ARHGAP15: variants seen among roughly 807,000 people sequenced by gnomAD.
ARHGAP15 encodes the protein Rho GTPase activating protein 15, also known as rho GTPase-activating protein 15.
Under a neutral mutation model 63.7 loss-of-function variants are expected in ARHGAP15, and 51 were observed. That is an observed-to-expected ratio of 0.80 (90% confidence interval 0.64 to 1.01). The LOEUF is 1.01. Among genes scored for constraint, ARHGAP15 ranks in the 50% least tolerant of loss-of-function variants. ARHGAP15 has a pLI of 0.00. For synonymous variants in ARHGAP15, 191 were observed against 193.8 expected (o/e 0.99, Z 0.12); for missense variants, 560 against 564.6 (o/e 0.99, Z 0.08).
intron 8 of ARHGAP15, among the ~76,000 whole-genome samples, chr2:143,449,556 G>A (rs964626144): frequency 6.6e-6 from 1 of 151,996 alleles, no homozygotes; most frequent in Non-Finnish European, 1.5e-5. Flanking sequence ...CAGCAACGTA[G>A]CTGTTTTACT....
chr2:143,558,055 C>G (rs1695881842), intron 11 of ARHGAP15, among the ~76,000 whole-genome samples: 1 of 152,086 alleles, frequency 6.6e-6, no homozygotes, highest in Non-Finnish European at 1.5e-5. Flanking sequence ...GTGACAGACT[C>G]ATGTTAGTTT....
At chr2:143,729,887 GAAGTAT>G (rs1460761305) in intron 13 of ARHGAP15, among the ~76,000 whole-genome samples, 4 of 149,694 alleles carry the variant, frequency 2.7e-5, no homozygotes, top group East Asian at 1.9e-4. Flanking sequence ...TTTTCTGGAA[GAAGTAT>G]AAGTTTAGGG....
chr2:143,586,064 A>G (rs888547551), intron 11 of ARHGAP15, among the ~76,000 whole-genome samples: 7 of 152,268 alleles, frequency 4.6e-5, no homozygotes, highest in African/African-American at 1.7e-4. Context: ...ATCTATATTT[A>G]AATTTCTCTA....
intron 10 of ARHGAP15, among the ~76,000 whole-genome samples, chr2:143,526,061 C>A (rs1694259938): frequency 6.6e-6 from 1 of 152,106 alleles, no homozygotes; most frequent in Admixed American, 6.6e-5. Flanking sequence ...GAAACTTAAA[C>A]CTTGCAATTT....
At chr2:143,239,618 G>T (rs1360751079) in intron 5 of ARHGAP15, among the ~76,000 whole-genome samples, 1 of 152,076 alleles carries the variant, frequency 6.6e-6, no homozygotes, top group African/African-American at 2.4e-5. Flanking sequence ...GCAAAAATGG[G>T]CAACATAAAA....
At chr2:143,212,066 C>T (rs1482538037) in intron 3 of ARHGAP15, among the ~76,000 whole-genome samples, 1 of 152,068 alleles carries the variant, frequency 6.6e-6, no homozygotes, top group Non-Finnish European at 1.5e-5. Context: ...TTTAACAGAA[C>T]CCTTTGGTGG....
At chr2:143,207,482 A>G (rs1329960747) in intron 3 of ARHGAP15, among the ~76,000 whole-genome samples, 1 of 139,294 alleles carries the variant, frequency 7.2e-6, no homozygotes, top group African/African-American at 2.8e-5. Flanking sequence ...CCATTGACAC[A>G]CACACACACA....
intron 8 of ARHGAP15, among the ~76,000 whole-genome samples, chr2:143,476,416 A>C (rs562318195): frequency 1.3e-5 from 2 of 152,292 alleles, no homozygotes; most frequent in South Asian, 4.1e-4. Flanking sequence ...CAAATTAATA[A>C]TAAAACTGTA....
intron 8 of ARHGAP15, among the ~76,000 whole-genome samples, chr2:143,473,193 A>G (rs1425938171): frequency 2.0e-5 from 3 of 152,200 alleles, no homozygotes; most frequent in Non-Finnish European, 4.4e-5. Flanking sequence ...TCAGCTGGCC[A>G]TTGACTTGCA....
Position 143,249,643 on chromosome 2 carries a change from T to TA in ARHGAP15, c.385-862dup, listed in dbSNP as rs1385282046. On this transcript the variant is annotated intron_variant, in intron 5 of 13. Transcript: ENST00000295095. ...AGAAATTCTCAACTGGTAAACTTTT[T>TA]AAAAAATAATTGGCGGTATGGAGGT... Among the ~76,000 whole-genome samples, 11 of 152,214 alleles carry TA rather than the reference T, an allele frequency of 7.2e-5. No homozygotes were observed. The East Asian group carries it at 2.1e-3, about 29-fold the overall frequency.
intron 8 of ARHGAP15, among the ~76,000 whole-genome samples, chr2:143,466,484 T>C (rs1363671264): frequency 2.0e-5 from 3 of 152,124 alleles, no homozygotes; most frequent in Non-Finnish European, 4.4e-5. Flanking sequence ...ACATTGTGTT[T>C]GGAGTATTAG....
intron 12 of ARHGAP15, among the ~76,000 whole-genome samples, chr2:143,700,953 G>T (rs922475675): frequency 6.6e-6 from 1 of 152,140 alleles, no homozygotes; most frequent in African/African-American, 2.4e-5. Flanking sequence ...TGGCAGAAAA[G>T]ATGAGGTCTG....
At chr2:143,281,016 A>T (rs1256174541) in intron 6 of ARHGAP15, among the ~76,000 whole-genome samples, 2 of 152,144 alleles carry the variant, frequency 1.3e-5, no homozygotes, top group African/African-American at 4.8e-5. Flanking sequence ...TTTACTTACT[A>T]CATGCTAGAC....
chr2:143,767,861 TAGA>T (rs2072972733), intron 13 of ARHGAP15, 125 bp from the exon 14 acceptor site: 1 of 889,250 alleles, frequency 1.1e-6, no homozygotes, highest in Admixed American at 2.5e-5. Flanking sequence ...GTATGTAGGG[TAGA>T]AGATTAAATA....
At chr2:143,639,127 A>T (rs1031055617) in intron 12 of ARHGAP15, among the ~76,000 whole-genome samples, 4 of 152,102 alleles carry the variant, frequency 2.6e-5, no homozygotes, top group Non-Finnish European at 5.9e-5. Flanking sequence ...TTGAAAAAAA[A>T]TGATTACAAG....
chr2:143,458,778 A>G (rs1338880000), intron 8 of ARHGAP15, among the ~76,000 whole-genome samples: 1 of 152,156 alleles, frequency 6.6e-6, no homozygotes, highest in Non-Finnish European at 1.5e-5. Context: ...TGACATTTTC[A>G]TAGTGACCAA....
intron 9 of ARHGAP15, among the ~76,000 whole-genome samples, chr2:143,515,838 C>T (rs1018488218): frequency 5.3e-5 from 8 of 152,212 alleles, no homozygotes; most frequent in African/African-American, 1.9e-4. Flanking sequence ...ATTTAAGATG[C>T]TTTATAACAT....
At chr2:143,187,914 T>C (rs1165827869) in intron 2 of ARHGAP15, among the ~76,000 whole-genome samples, 1 of 152,228 alleles carries the variant, frequency 6.6e-6, no homozygotes, top group African/African-American at 2.4e-5. Context: ...ATATTTATGT[T>C]TATTAAAGTT....
intron 6 of ARHGAP15, among the ~76,000 whole-genome samples, chr2:143,338,642 A>G (rs1018797212): frequency 2.0e-5 from 3 of 152,154 alleles, no homozygotes; most frequent in Non-Finnish European, 2.9e-5. Context: ...GACTTTATAT[A>G]TTTCCATTTA....
Sources: gnomAD v4.1 joint callset for allele counts (sites outside exome capture counted in the v4.1 genomes callset) on GRCh38, gnomAD v4.1.1 for gene constraint, MANE v1.5 for transcripts, NCBI Gene and HGNC (gene_info 2026-07-23, HGNC 2026-07-21) for gene names.